ZNF423: variants seen among roughly 807,000 people sequenced by gnomAD.
The protein encoded by ZNF423 is zinc finger protein 423.
Under a neutral mutation model 95.8 loss-of-function variants are expected in ZNF423, and 12 were observed. The observed-to-expected ratio is 0.13, with a 90% CI of 0.08 to 0.20. The LOEUF (loss-of-function observed/expected upper bound fraction) is 0.20. Ranked by LOEUF, ZNF423 falls within the 10% of genes least tolerant of loss-of-function variation. ZNF423 has a pLI of 1.00. For synonymous variants in ZNF423, 749 were observed against 711.9 expected (o/e 1.05, Z -0.83); for missense variants, 1,316 against 1,737.1 (o/e 0.76, Z 4.31).
intron 1 of ZNF423, among the ~76,000 whole-genome samples, chr16:49,808,212 C>T (rs1457779075): frequency 1.3e-5 from 2 of 152,012 alleles, no homozygotes; most frequent in Non-Finnish European, 2.9e-5. Flanking sequence ...CAGATGTGCA[C>T]TACCACACCT....
At chr16:49,558,987 C>A (rs751523678) in intron 5 of ZNF423, among the ~76,000 whole-genome samples, 1 of 152,216 alleles carries the variant, frequency 6.6e-6, no homozygotes, top group African/African-American at 2.4e-5. Context: ...GGGGGCAAGT[C>A]CTGAGCTCCT....
At chr16:49,711,316 C>T (rs898888563) in intron 3 of ZNF423, 4 of 152,250 alleles carry the variant, frequency 2.6e-5, no homozygotes, top group African/African-American at 9.6e-5. Flanking sequence ...CCACCAGGGG[C>T]CTGCTGCATA....
chr16:49,846,195 G>C (rs1036564465), intron 1 of ZNF423, among the ~76,000 whole-genome samples: 1 of 151,850 alleles, frequency 6.6e-6, no homozygotes, highest in Non-Finnish European at 1.5e-5. Context: ...CCAGCTACTC[G>C]GGAGGCTGAG....
At chr16:49,832,725 G>T (rs112481419) in intron 1 of ZNF423, among the ~76,000 whole-genome samples, 2,468 of 152,200 alleles carry the variant, frequency 0.016, 83 homozygotes, top group African/African-American at 0.057. Flanking sequence ...TTCCCCAGGG[G>T]CCAGGCAGGG....
At chr16:49,572,638 G>T (rs1482590725) in intron 5 of ZNF423, among the ~76,000 whole-genome samples, 4 of 152,170 alleles carry the variant, frequency 2.6e-5, no homozygotes, top group Non-Finnish European at 4.4e-5. Flanking sequence ...CTTCCAGATT[G>T]TGAGTAACGG....
intron 3 of ZNF423, among the ~76,000 whole-genome samples, chr16:49,669,859 C>T (rs867167072): frequency 6.6e-6 from 1 of 152,228 alleles, no homozygotes; most frequent in Non-Finnish European, 1.5e-5. Flanking sequence ...TCAGTTTCCC[C>T]TCCTTGGCTC....
In ZNF423 at chr16:49,636,587, A is replaced by G. The variant is rs766758868; in HGVS notation, c.2589T>C (p.Pro863=). 4 of 1,613,356 alleles carry G rather than the reference A, an allele frequency of 2.5e-6. No individual in the cohort carries two copies. In the Admixed American group the frequency reaches 5.0e-5, roughly 20 times the overall value. Residue 863 remains proline (P), a synonymous_variant, in exon 4 of 8, where the codon CCT becomes CCC. Transcript: ENST00000563137. This position sits in a 1 kb window ranked among gnomAD's most constrained non-coding sequence, Gnocchi z 8.6. ...TAAGCAGCATGCCCTGCAGGTCAGC[A>G]GGCTCAGCTTTCTTGGTGGCCATTG... ...VPPMATKKAE[P]ADLQGMLLKN...
At chr16:49,520,422 C>T (rs188058879) in intron 7 of ZNF423, among the ~76,000 whole-genome samples, 2 of 152,286 alleles carry the variant, frequency 1.3e-5, no homozygotes, top group East Asian at 1.9e-4. Flanking sequence ...GAAAACATTA[C>T]GTTTGGAGGG....
chr16:49,541,791 C>T (rs1385498980), intron 5 of ZNF423, among the ~76,000 whole-genome samples: 1 of 152,174 alleles, frequency 6.6e-6, no homozygotes, highest in African/African-American at 2.4e-5. Flanking sequence ...GGGCTTCCCC[C>T]TATGCTTGGC....
At chr16:49,773,089 C>A (rs751603606) in intron 2 of ZNF423, among the ~76,000 whole-genome samples, 1 of 152,106 alleles carries the variant, frequency 6.6e-6, no homozygotes, top group Non-Finnish European at 1.5e-5. Flanking sequence ...GAGGCCTAGG[C>A]GAGTGGATCA....
chr16:49,746,548 G>T (rs1458544912), intron 2 of ZNF423, among the ~76,000 whole-genome samples: 1 of 152,030 alleles, frequency 6.6e-6, no homozygotes, highest in African/African-American at 2.4e-5. Flanking sequence ...CACAATCTCG[G>T]CTCACTGCAA....
At position 49,636,847 on chromosome 16, in the gene ZNF423, C is replaced by G; in HGVS notation, c.2329G>C (p.Val777Leu). 2 of 1,614,038 alleles carry G rather than the reference C, an allele frequency of 1.2e-6. No homozygotes were observed. The highest frequency in any genetic ancestry group is 2.2e-5 in the South Asian group (2 of 91,086). Residue 777 changes from valine to leucine, a missense_variant, in exon 4 of 8, where the codon GTC (valine) becomes CTC (leucine). Val to Leu is a conservative substitution (Grantham distance 32). This residue lies in a region of ZNF423 where 620 missense variants were observed against 775.6 expected (regional missense o/e 0.80). Transcript: ENST00000563137. The surrounding 1 kb of genome is among the most constrained non-coding windows in gnomAD (Gnocchi z 8.6). ...GGGTTGCCCAGGTGGCTGTGTTTGA[C>G]GTGCACCTGCAGGTCAGCCTCCTTG... ...FRKEADLQVH[V>L]KHSHLGNPAK...
intron 3 of ZNF423, among the ~76,000 whole-genome samples, chr16:49,677,308 G>GAAGAGAAGAGAAGAGAAGAGA (rs1277785805): frequency 1.1e-5 from 1 of 93,592 alleles, no homozygotes; most frequent in African/African-American, 4.1e-5. Flanking sequence ...GAAGAGAAGA[G>GAAGAGAAGAGAAGAGAAGAGA]AAAGGAGGGG....
chr16:49,525,308 G>T, intron 6 of ZNF423, 55 bp downstream of exon 6: 1 of 1,600,384 alleles, frequency 6.2e-7, no homozygotes, highest in Non-Finnish European at 8.5e-7. Flanking sequence ...CAATAACAGG[G>T]CAGGGCTCCT....
At chr16:49,520,323 T>C (rs1421654208) in intron 7 of ZNF423, among the ~76,000 whole-genome samples, 1 of 152,200 alleles carries the variant, frequency 6.6e-6, no homozygotes, top group Non-Finnish European at 1.5e-5. Flanking sequence ...TTAATCTCAG[T>C]CTTTTGGGCA....
chr16:49,640,461 G>C (rs922252497), intron 3 of ZNF423, among the ~76,000 whole-genome samples: 1 of 151,970 alleles, frequency 6.6e-6, no homozygotes, highest in African/African-American at 2.4e-5. Flanking sequence ...TCCCTACAAG[G>C]CTCTCCACAC....
Position 49,683,193 on chromosome 16 carries a change from G to A in ZNF423, c.302-44319C>T, listed in dbSNP as rs978743237. Among the ~76,000 whole-genome samples the A allele has an allele frequency of 4.6e-5, 7 of 152,184 alleles. No homozygotes were observed. The East Asian group carries it at 5.8e-4, about 13-fold the overall frequency. On this transcript the variant is annotated intron_variant, in intron 3 of 7. Coordinates refer to ENST00000563137, the MANE Select transcript of ZNF423 (RefSeq NM_001379286.1). ...CACTCAACAAATACTCAGCTCTCCC[G>A]TGTGGATCAGTGGGGCATTCAACAG...
chr16:49,752,619 C>A (rs1033333052), intron 2 of ZNF423, among the ~76,000 whole-genome samples: 150 of 152,282 alleles, frequency 9.9e-4, no homozygotes, highest in African/African-American at 3.3e-3. Flanking sequence ...CAGAACAGAC[C>A]CCACGGGCTG....
At chr16:49,559,045 C>T (rs577858406) in intron 5 of ZNF423, among the ~76,000 whole-genome samples, 26 of 152,348 alleles carry the variant, frequency 1.7e-4, no homozygotes, top group Admixed American at 1.2e-3. Context: ...CTGGCCCAGG[C>T]TTGCCCCAGG....
Sources: gnomAD v4.1 joint callset for allele counts (sites outside exome capture counted in the v4.1 genomes callset) on GRCh38, gnomAD v4.1.1 for gene constraint, gnomAD v4.1.1 regional missense constraint, Gnocchi (gnomAD v3.1) non-coding constraint, MANE v1.5 for transcripts, NCBI Gene and HGNC (gene_info 2026-07-23, HGNC 2026-07-21) for gene names.